The following NDUFS4 variants were observed in gnomAD, a reference collection of about 807,000 sequenced individuals.
NDUFS4 encodes the protein NADH:ubiquinone oxidoreductase subunit S4, also known as NADH dehydrogenase [ubiquinone] iron-sulfur protein 4, mitochondrial.
Under a neutral mutation model 24.3 loss-of-function variants are expected in NDUFS4, and 28 were observed. That is an observed-to-expected ratio of 1.15 (90% CI 0.85 to 1.58). The LOEUF (loss-of-function observed/expected upper bound fraction) is 1.58, where lower values mean the gene tolerates loss of function less well. Among genes scored for constraint, NDUFS4 ranks in the 40% most tolerant of loss-of-function variants. The probability of loss-of-function intolerance (pLI) is 0.00; values close to 1 mark genes in which losing one functional copy is unlikely to be tolerated. For synonymous variants in NDUFS4, 93 were observed against 69.7 expected, an observed-to-expected ratio of 1.34 and a Z score of -1.67; for missense variants, 223 against 207.9, an observed-to-expected ratio of 1.07 and a Z score of -0.45.
chr5:53,663,853 G>A (rs1016718533), intron 4 of NDUFS4, among the ~76,000 whole-genome samples: 5 of 152,106 alleles, frequency 3.3e-5, no homozygotes, highest in Non-Finnish European at 7.4e-5. Flanking sequence ...ATATTGTTAT[G>A]TGTGAATTTG....
intron 3 of NDUFS4, among the ~76,000 whole-genome samples, chr5:53,656,239 T>C (rs934765372): frequency 6.6e-6 from 1 of 151,716 alleles, no homozygotes; most frequent in Non-Finnish European, 1.5e-5. Flanking sequence ...TTAGTCACTC[T>C]CTGGTCTCTG....
intron 2 of NDUFS4, among the ~76,000 whole-genome samples, chr5:53,620,947 A>C (rs1490925072): frequency 6.6e-6 from 1 of 152,194 alleles, no homozygotes; most frequent in Non-Finnish European, 1.5e-5. Context: ...CAAAAATTTC[A>C]ATTAAGTTTT....
At chr5:53,570,873 G>A (rs111272592) in intron 1 of NDUFS4, among the ~76,000 whole-genome samples, 27 of 151,512 alleles carry the variant, frequency 1.8e-4, no homozygotes, top group African/African-American at 5.3e-4. Flanking sequence ...TAGTAGAGAC[G>A]GAGTTTCACC....
At chr5:53,676,538 T>G (rs564567096) in intron 4 of NDUFS4, among the ~76,000 whole-genome samples, 1 of 152,306 alleles carries the variant, frequency 6.6e-6, no homozygotes, top group African/African-American at 2.4e-5. Context: ...TATTGGCACA[T>G]CACAGCTTTC....
chr5:53,620,225 T>G (rs151319805), intron 2 of NDUFS4, among the ~76,000 whole-genome samples: 5 of 152,306 alleles, frequency 3.3e-5, no homozygotes, highest in Non-Finnish European at 7.4e-5. Context: ...ACTTTAGAGA[T>G]ATGGCTTTAT....
chr5:53,595,280 A>G lies in NDUFS4; in HGVS notation c.99-8172A>G, dbSNP rs73754264. Among the ~76,000 whole-genome samples the G allele has an allele frequency of 6.3e-3, 959 of 152,244 alleles. 13 individuals are homozygous for G. Among genetic ancestry groups the G allele is most frequent in the African/African-American group, 0.022 (920 of 41,562 alleles). The stretch of plus-strand genomic sequence containing the variant: ...ATGAGACTCACCTAATTTTATAAAA[A>G]TTCTATTAGGATTTGTATTACTATT... On this transcript the variant is annotated intron_variant, in intron 1 of 4. Coordinates refer to ENST00000296684, the MANE Select transcript of NDUFS4 (RefSeq NM_002495.4).
intron 2 of NDUFS4, among the ~76,000 whole-genome samples, chr5:53,635,312 G>C (rs574904068): frequency 8.6e-4 from 130 of 150,786 alleles, no homozygotes; most frequent in African/African-American, 2.7e-3. Flanking sequence ...TGGAGTTCGA[G>C]ACCAGCCTAG....
At chr5:53,575,298 A>C (rs1288389349) in intron 1 of NDUFS4, among the ~76,000 whole-genome samples, 1 of 151,862 alleles carries the variant, frequency 6.6e-6, no homozygotes, top group Middle Eastern at 3.2e-3. Context: ...TCTGCCTGCT[A>C]TTTCCTTTTC....
intron 3 of NDUFS4, among the ~76,000 whole-genome samples, chr5:53,651,961 GA>G (rs1363235888): frequency 2.0e-5 from 3 of 151,992 alleles, no homozygotes; most frequent in African/African-American, 7.2e-5. Flanking sequence ...TTTTAGTAGA[GA>G]TGGGGTTTCA....
intron 2 of NDUFS4, among the ~76,000 whole-genome samples, chr5:53,611,257 T>C (rs1368810940): frequency 6.6e-6 from 1 of 151,558 alleles, no homozygotes; most frequent in East Asian, 1.9e-4. Context: ...GTATCTTATC[T>C]TTTTTTTAGG....
intron 1 of NDUFS4, among the ~76,000 whole-genome samples, chr5:53,584,066 C>T (rs894751575): frequency 6.6e-6 from 1 of 152,218 alleles, no homozygotes; most frequent in African/African-American, 2.4e-5. Flanking sequence ...ATCTCACTTA[C>T]ACCTCCCACT....
intron 1 of NDUFS4, among the ~76,000 whole-genome samples, chr5:53,561,799 A>G (rs1366332848): frequency 6.6e-6 from 1 of 152,120 alleles, no homozygotes; most frequent in Non-Finnish European, 1.5e-5. Flanking sequence ...GAGTTTTATT[A>G]AGGTTTAAAT....
intron 1 of NDUFS4, among the ~76,000 whole-genome samples, chr5:53,589,782 A>C (rs890401356): frequency 5.9e-5 from 9 of 152,182 alleles, no homozygotes; most frequent in African/African-American, 2.2e-4. Flanking sequence ...TAGACTGTAA[A>C]GCAGGCTGAA....
chr5:53,622,809 G>A (rs1436290795), intron 2 of NDUFS4, among the ~76,000 whole-genome samples: 1 of 152,126 alleles, frequency 6.6e-6, no homozygotes, highest in Admixed American at 6.5e-5. Context: ...ATAATGTTAA[G>A]TAATCATCAC....
intron 2 of NDUFS4, among the ~76,000 whole-genome samples, chr5:53,637,945 A>G (rs947317444): frequency 1.3e-5 from 2 of 152,144 alleles, no homozygotes; most frequent in Admixed American, 6.6e-5. Flanking sequence ...ATCAAAATAT[A>G]TAGTAACTGT....
chr5:53,653,683 C>G (rs1288163769), intron 3 of NDUFS4, among the ~76,000 whole-genome samples: 2 of 152,028 alleles, frequency 1.3e-5, no homozygotes, highest in Non-Finnish European at 2.9e-5. Flanking sequence ...CATAGAAGCC[C>G]CCACAACAAT....
chr5:53,616,188 ATAT>A (rs773800955), intron 2 of NDUFS4, among the ~76,000 whole-genome samples: 4 of 151,546 alleles, frequency 2.6e-5, no homozygotes, highest in South Asian at 4.2e-4. Flanking sequence ...ATAATGTAAA[ATAT>A]TATTATCCTT....
At position 53,603,509 on chromosome 5, in the gene NDUFS4, C is replaced by T. The variant is rs1471649643; in HGVS notation, c.156C>T (p.Leu52=). ...AGGACCAGACTCAAGACACACAACT[C>T]ATAACAGTTGATGAAAAATTGGTAA... ...LAQDQTQDTQ[L]ITVDEKLDIT... is the part of the protein sequence containing the mutation. The change falls in exon 2 of 5, where the codon CTC becomes CTT. Residue 52 remains leucine, a synonymous_variant. Coordinates refer to ENST00000296684, the MANE Select transcript of NDUFS4 (RefSeq NM_002495.4). The T allele has an allele frequency of 1.2e-6, 2 of 1,613,722 alleles. No homozygotes were observed. Among genetic ancestry groups the T allele is most frequent in the Non-Finnish European group, 1.7e-6 (2 of 1,179,898 alleles).
At position 53,602,521 on chromosome 5, in the gene NDUFS4, AT is replaced by A. The variant is rs564882488; in HGVS notation, c.99-929del. Among the ~76,000 whole-genome samples, 91 of 152,310 alleles carry A rather than the reference AT, an allele frequency of 6.0e-4. 1 individual carries two copies. The highest frequency in any genetic ancestry group is 5.9e-3 in the Admixed American group (91 of 15,298). ...ATATGGCTGTGTACACATTATCAAA[AT>A]TGAACTTTTAGCACAAAAAGTTCAA... On this transcript the variant is annotated intron_variant, in intron 1 of 4. Transcript: ENST00000296684.
Sources: allele counts gnomAD v4.1 joint callset (sites outside exome capture counted in the v4.1 genomes callset), GRCh38; gene constraint gnomAD v4.1.1; transcripts MANE v1.5; gene names NCBI Gene and HGNC (gene_info 2026-07-23, HGNC 2026-07-21).